Variants in GALNT9 observed in about 807,000 individuals in gnomAD.
The protein encoded by GALNT9 is polypeptide N-acetylgalactosaminyltransferase 9.
A neutral mutation model predicts 63.1 loss-of-function variants in GALNT9; 47 were observed. The ratio of observed to expected loss-of-function variants is 0.75; its 90% confidence interval spans 0.59 to 0.95. GALNT9 has a LOEUF of 0.95. GALNT9 is among the 40% of genes least tolerant of loss of function. The pLI is 0.00. For missense variants in GALNT9, 829 were observed against 874.8 expected (o/e 0.95, Z 0.66); for synonymous variants, 396 against 365.7 (o/e 1.08, Z -0.94).
At chr12:132,288,839 G>T (rs1269085866) in intron 1 of GALNT9, among the ~76,000 whole-genome samples, 1 of 151,220 alleles carries the variant, frequency 6.6e-6, no homozygotes, top group Non-Finnish European at 1.5e-5. Flanking sequence ...TCGGACGGCT[G>T]CCCGATGCCC....
At chr12:132,225,732 A>T (rs1460058159) in intron 6 of GALNT9, among the ~76,000 whole-genome samples, 6 of 137,930 alleles carry the variant, frequency 4.4e-5, no homozygotes, top group Non-Finnish European at 9.2e-5. Context: ...TACACACAAC[A>T]CTGTACATAC....
chr12:132,309,326 C>T (rs1323133323), intron 1 of GALNT9, among the ~76,000 whole-genome samples: 2 of 152,164 alleles, frequency 1.3e-5, no homozygotes, highest in African/African-American at 4.8e-5. Flanking sequence ...TCTAGCTGCC[C>T]GTGGACCTCA....
chr12:132,284,784 G>A (rs556555387), intron 2 of GALNT9, among the ~76,000 whole-genome samples: 18 of 152,364 alleles, frequency 1.2e-4, no homozygotes, highest in South Asian at 4.1e-4. Flanking sequence ...TCCCCAGCAC[G>A]CATTTGTGGG....
At chr12:132,217,151 C>G (rs10902521) in intron 6 of GALNT9, among the ~76,000 whole-genome samples, 89,989 of 151,826 alleles carry the variant, frequency 0.59, 26,870 homozygotes, top group East Asian at 0.78. Context: ...ACTTATTCAC[C>G]CACCTAGCCA....
intron 2 of GALNT9, chr12:132,284,212 C>G (rs1191565056): frequency 1.3e-5 from 2 of 151,630 alleles, no homozygotes; most frequent in African/African-American, 4.9e-5. Context: ...CACGTGCACA[C>G]ACAGACTCCT....
intron 1 of GALNT9, among the ~76,000 whole-genome samples, chr12:132,317,467 C>G (rs1373542424): frequency 6.6e-6 from 1 of 152,248 alleles, no homozygotes; most frequent in African/African-American, 2.4e-5. Context: ...GGGGTCAGCT[C>G]CTCTCCAGGG....
At chr12:132,323,002 T>G (rs1275508654) in intron 1 of GALNT9, among the ~76,000 whole-genome samples, 1 of 152,094 alleles carries the variant, frequency 6.6e-6, no homozygotes, top group African/African-American at 2.4e-5. Flanking sequence ...CCTTGCCCCC[T>G]CCTCCAGCGC....
intron 6 of GALNT9, chr12:132,240,676 C>T (rs1878238304): frequency 4.4e-6 from 2 of 455,978 alleles, no homozygotes; most frequent in Non-Finnish European, 8.8e-6. Flanking sequence ...TGTTTTTCTT[C>T]CTCTTTTATT....
Position 132,265,615 on chromosome 12 carries a change from C to T in GALNT9, c.420-2990G>A, listed in dbSNP as rs1360056525. Among the ~76,000 whole-genome samples, 1 of 152,158 alleles carries T rather than the reference C, an allele frequency of 6.6e-6. No homozygotes were observed. The highest frequency in any genetic ancestry group is 1.5e-5 in the Non-Finnish European group (1 of 68,030). On this transcript the variant is annotated intron_variant, in intron 2 of 10. Transcript: ENST00000328957. This position sits in a 1 kb window ranked among gnomAD's most constrained non-coding sequence, Gnocchi z 5.3. ...AGGCTTCGCAAGGTAAGCAGCCCCA[C>T]AGGACACCAGCCGACAGCCGGATGC...
At position 132,197,123 on chromosome 12, in the gene GALNT9, T is replaced by A. The variant is rs1875561998; in HGVS notation, c.1796A>T (p.Lys599Ile). The change falls in exon 11 of 11, where the codon AAA (lysine) becomes ATA (isoleucine). Residue 599 changes from lysine (K) to isoleucine (I), a missense_variant. Transcript: ENST00000328957. ...GAGGTGGGGTCAGTGCCGTGCGTGT[T>A]TGATCCAGTTTCTGATCATCCACTT... ...GQKWMIRNWIKHARH is the reference protein window; with the variant it reads ...GQKWMIRNWIIHARH 1.9e-6 allele frequency: 3 copies of A among 1,614,060 alleles called. No individual in the cohort carries two copies. The highest frequency in any genetic ancestry group is 2.5e-6 in the Non-Finnish European group (3 of 1,180,024).
At chr12:132,248,441 C>A (rs1238899112) in intron 5 of GALNT9, among the ~76,000 whole-genome samples, 6 of 152,146 alleles carry the variant, frequency 3.9e-5, no homozygotes, top group Non-Finnish European at 5.9e-5. Context: ...CCACTACACT[C>A]CAGCCTGGGC....
intron 2 of GALNT9, chr12:132,277,934 G>A (rs1218496282): frequency 1.3e-5 from 2 of 152,102 alleles, no homozygotes; most frequent in South Asian, 2.1e-4. Flanking sequence ...TTGTTTATAA[G>A]CCACCCGGTC....
intron 1 of GALNT9, among the ~76,000 whole-genome samples, chr12:132,304,502 C>G (rs1297024874): frequency 1.6e-5 from 1 of 63,960 alleles, no homozygotes; most frequent in African/African-American, 9.4e-5. Context: ...CACCCTTGCC[C>G]GGGCACACCC....
chr12:132,208,679 T>C (rs964540809), intron 6 of GALNT9, among the ~76,000 whole-genome samples: 2 of 152,128 alleles, frequency 1.3e-5, no homozygotes, highest in Non-Finnish European at 2.9e-5. Flanking sequence ...ACTGCCGGCA[T>C]CAGCAAGGCC....
At chr12:132,312,020 C>G (rs1312809565) in intron 1 of GALNT9, among the ~76,000 whole-genome samples, 1 of 152,234 alleles carries the variant, frequency 6.6e-6, no homozygotes, top group Non-Finnish European at 1.5e-5. Context: ...CTCCCAGCTT[C>G]AATTTTATCC....
At chr12:132,204,606 C>T (rs779721233) in intron 6 of GALNT9, among the ~76,000 whole-genome samples, 2 of 152,164 alleles carry the variant, frequency 1.3e-5, no homozygotes, top group Non-Finnish European at 2.9e-5. Flanking sequence ...CGGCCAATCT[C>T]GGTACCCTCA....
At chr12:132,202,078 A>G (rs535952868) in intron 7 of GALNT9, among the ~76,000 whole-genome samples, 10 of 152,292 alleles carry the variant, frequency 6.6e-5, no homozygotes, top group African/African-American at 1.4e-4. Flanking sequence ...ACAGTCCCCT[A>G]TCTTCTCTGT....
chr12:132,202,341 C>T (rs1340258718), intron 7 of GALNT9, among the ~76,000 whole-genome samples: 1 of 152,214 alleles, frequency 6.6e-6, no homozygotes, highest in Non-Finnish European at 1.5e-5. Context: ...CGGGTACCCT[C>T]TTCTCGTCTC....
At chr12:132,247,573 T>C (rs1387631329) in intron 6 of GALNT9, 5 of 506,066 alleles carry the variant, frequency 9.9e-6, no homozygotes, top group African/African-American at 1.9e-5. Context: ...CCCTAGACCA[T>C]GGCTGCACTC....
Sources: allele counts gnomAD v4.1 joint callset (sites outside exome capture counted in the v4.1 genomes callset), GRCh38; gene constraint gnomAD v4.1.1; non-coding constraint Gnocchi (gnomAD v3.1); transcripts MANE v1.5; gene names NCBI Gene and HGNC (gene_info 2026-07-23, HGNC 2026-07-21).